RCOR1: variants seen among roughly 807,000 people sequenced by gnomAD.
The protein encoded by RCOR1 is REST corepressor 1, also known as REST corepressor.
Under a neutral mutation model 64.0 loss-of-function variants are expected in RCOR1, and 12 were observed. That is an observed-to-expected ratio of 0.19 (90% CI 0.12 to 0.30). The LOEUF (loss-of-function observed/expected upper bound fraction) is 0.30, where lower values mean the gene tolerates loss of function less well. Among genes scored for constraint, RCOR1 ranks in the 10% least tolerant of loss-of-function variants. RCOR1 has a pLI of 1.00. For missense variants in RCOR1, 502 were observed against 621.2 expected (o/e 0.81, Z 2.04); for synonymous variants, 279 against 227.2 (o/e 1.23, Z -2.05).
chr14:102,632,669 CTTTCCTTTCCTTTTCCT>C (rs1894144373), intron 2 of RCOR1, among the ~76,000 whole-genome samples: 3 of 49,842 alleles, frequency 6.0e-5, no homozygotes, highest in South Asian at 1.7e-3. Context: ...CTTTCCTTTC[CTTTCCTTTCCTTTTCCT>C]TTTCCTTTTC....
chr14:102,610,212 A>G (rs571408315), intron 2 of RCOR1, among the ~76,000 whole-genome samples: 115 of 152,118 alleles, frequency 7.6e-4, no homozygotes, highest in African/African-American at 1.0e-3. Flanking sequence ...TATTAATATT[A>G]TATGATATAT....
chr14:102,621,794 A>G (rs1893878066), intron 2 of RCOR1, among the ~76,000 whole-genome samples: 2 of 152,280 alleles, frequency 1.3e-5, no homozygotes, highest in Middle Eastern at 3.4e-3. Context: ...AATAGGGGAA[A>G]GAGAGGGCCT....
intron 2 of RCOR1, among the ~76,000 whole-genome samples, chr14:102,593,833 G>A (rs1042979070): frequency 6.6e-5 from 10 of 152,054 alleles, no homozygotes; most frequent in African/African-American, 2.4e-4. Context: ...TCCAGAAGGC[G>A]AGTAGAAGAA....
rs567100503 is a variant in RCOR1, at chr14:102,604,770, A to T, written c.361+11445A>T. Among the ~76,000 whole-genome samples, 12 of 152,294 alleles carry T rather than the reference A, an allele frequency of 7.9e-5. No individual in the cohort carries two copies. In the East Asian group the frequency reaches 1.9e-3, roughly 24 times the overall value. Reference sequence around the variant, plus strand: ...AATTTAGTGTATTTTAGAGAGGGTCAGCCAGAATCCTCTTTAAGAGAAAAC... The same window carrying T: ...AATTTAGTGTATTTTAGAGAGGGTCTGCCAGAATCCTCTTTAAGAGAAAAC... On this transcript the variant is annotated intron_variant, in intron 2 of 11. Transcript: ENST00000262241.
chr14:102,724,258 T>C (rs74084136), intron 11 of RCOR1, among the ~76,000 whole-genome samples: 1 of 152,188 alleles, frequency 6.6e-6, no homozygotes, highest in African/African-American at 2.4e-5. Context: ...TTTAGTTTCA[T>C]AGTCCTTATA....
intron 2 of RCOR1, among the ~76,000 whole-genome samples, chr14:102,628,518 CCAG>C (rs1204416200): frequency 6.7e-6 from 1 of 150,154 alleles, no homozygotes; most frequent in Non-Finnish European, 1.5e-5. Flanking sequence ...GCTCTGTTGC[CCAG>C]TGACTCACTG....
At chr14:102,706,953 G>A (rs949223748) in intron 4 of RCOR1, among the ~76,000 whole-genome samples, 7 of 151,638 alleles carry the variant, frequency 4.6e-5, no homozygotes, top group Non-Finnish European at 5.9e-5. Flanking sequence ...TTCCCTTGTT[G>A]CTGTACCTAA....
chr14:102,632,995 A>G (rs995736101), intron 2 of RCOR1, among the ~76,000 whole-genome samples: 5 of 151,198 alleles, frequency 3.3e-5, no homozygotes, highest in African/African-American at 1.2e-4. Flanking sequence ...TTTTTTACAG[A>G]TGGGGGTCTC....
At chr14:102,653,218 A>G (rs1004625875) in intron 2 of RCOR1, among the ~76,000 whole-genome samples, 1 of 151,514 alleles carries the variant, frequency 6.6e-6, no homozygotes, top group African/African-American at 2.4e-5. Context: ...TACTGCACCC[A>G]GCCTATTATT....
intron 2 of RCOR1, among the ~76,000 whole-genome samples, chr14:102,627,958 G>GT (rs1894015900): frequency 1.4e-5 from 1 of 70,682 alleles, no homozygotes; most frequent in East Asian, 3.7e-4. Context: ...AAATTTAAAA[G>GT]GGGTGTGTGT....
intron 2 of RCOR1, among the ~76,000 whole-genome samples, chr14:102,611,213 AG>A (rs2139889684): frequency 6.6e-6 from 1 of 152,198 alleles, no homozygotes; most frequent in African/African-American, 2.4e-5. Context: ...CTGTGATTAC[AG>A]GTGCTCACCA....
At chr14:102,721,567 T>A (rs1896168880) in intron 10 of RCOR1, 190 bp downstream of exon 10, 2 of 401,992 alleles carry the variant, frequency 5.0e-6, no homozygotes, top group Non-Finnish European at 8.8e-6. Context: ...AAAAAAATTT[T>A]TTTTTTAATG....
At chr14:102,641,201 C>T (rs1894361420) in intron 2 of RCOR1, among the ~76,000 whole-genome samples, 2 of 151,884 alleles carry the variant, frequency 1.3e-5, no homozygotes, top group Admixed American at 6.6e-5. Flanking sequence ...GTTGCAGTGA[C>T]CCGAAATTGC....
chr14:102,699,234 G>A (rs1422297513), intron 3 of RCOR1, among the ~76,000 whole-genome samples: 1 of 152,130 alleles, frequency 6.6e-6, no homozygotes, highest in Admixed American at 6.5e-5. Context: ...ACAAGCTATG[G>A]TCATTTCATT....
Position 102,691,150 on chromosome 14 carries a change from C to T in RCOR1, c.445+9172C>T, listed in dbSNP as rs56137850. On this transcript the variant is annotated intron_variant, in intron 3 of 11. Transcript: ENST00000262241. Reference sequence around the variant, plus strand: ...CAAGTCCCTGCCCAAGTGTAGCTTACAGTCTACGGGAAGCTGCACTGGTAA... The same window carrying T: ...CAAGTCCCTGCCCAAGTGTAGCTTATAGTCTACGGGAAGCTGCACTGGTAA... Among the ~76,000 whole-genome samples, 748 of 152,336 alleles carry T rather than the reference C, an allele frequency of 4.9e-3. 5 individuals carry two copies. The highest frequency in any genetic ancestry group is 0.017 in the African/African-American group (697 of 41,572).
At chr14:102,723,512 T>G (rs1264664985) in intron 11 of RCOR1, among the ~76,000 whole-genome samples, 1 of 152,232 alleles carries the variant, frequency 6.6e-6, no homozygotes, top group Non-Finnish European at 1.5e-5. Flanking sequence ...CCAGAAAATC[T>G]TTATAATAAG....
At chr14:102,677,952 A>G (rs12436437) in intron 2 of RCOR1, among the ~76,000 whole-genome samples, 70 of 132,870 alleles carry the variant, frequency 5.3e-4, no homozygotes, top group South Asian at 9.6e-4. Flanking sequence ...CAATCCCGGC[A>G]CCTCGGGAGG....
intron 3 of RCOR1, among the ~76,000 whole-genome samples, chr14:102,692,366 A>G (rs1277918190): frequency 6.6e-6 from 1 of 151,894 alleles, no homozygotes; most frequent in African/African-American, 2.4e-5. Flanking sequence ...ACCCTTAGAA[A>G]ACACTTGCTG....
At chr14:102,709,659 C>T (rs1314883535) in intron 6 of RCOR1, among the ~76,000 whole-genome samples, 3 of 152,120 alleles carry the variant, frequency 2.0e-5, no homozygotes, top group African/African-American at 7.2e-5. Context: ...ATAAAATTAT[C>T]GACCATGATA....
Sources: gnomAD v4.1 joint callset for allele counts (sites outside exome capture counted in the v4.1 genomes callset) on GRCh38, gnomAD v4.1.1 for gene constraint, MANE v1.5 for transcripts, NCBI Gene and HGNC (gene_info 2026-07-23, HGNC 2026-07-21) for gene names.